THSD7B: variants seen among roughly 807,000 people sequenced by gnomAD.
The protein encoded by THSD7B is thrombospondin type-1 domain-containing protein 7B.
In THSD7B, 138 loss-of-function variants were observed where a neutral mutation model predicts 213.6. The ratio of observed to expected loss-of-function variants is 0.65; its 90% CI spans 0.56 to 0.74. The LOEUF (loss-of-function observed/expected upper bound fraction) is 0.74. Among genes scored for constraint, THSD7B ranks in the 30% least tolerant of loss-of-function variants. The probability of loss-of-function intolerance (pLI) is 0.00; values close to 1 mark genes in which losing one functional copy is unlikely to be tolerated. For synonymous variants in THSD7B, 742 were observed against 687.0 expected (o/e 1.08, Z -1.25); for missense variants, 1,931 against 1,991.5 (o/e 0.97, Z 0.58).
At chr2:137,382,319 T>G (rs1158599485) in intron 12 of THSD7B, among the ~76,000 whole-genome samples, 1 of 152,234 alleles carries the variant, frequency 6.6e-6, no homozygotes. Context: ...ATTGGGATGA[T>G]GCAGCTGAGA....
Position 137,405,737 on chromosome 2 carries a change from T to G in THSD7B, c.2625T>G (p.Thr875=). ...TVPCREDCTF[T]AWSKFTPCST... ...CATGTCGAGAAGACTGCACCTTCAC[T>G]GCTTGGTCCAAGTTTACGCCCTGCT... is the stretch of plus-strand genomic sequence containing the variant. The change falls in exon 13 of 28, where the codon ACT becomes ACG. Residue 875 remains threonine (T), a synonymous_variant. Coordinates refer to ENST00000409968, the MANE Select transcript of THSD7B (RefSeq NM_001316349.2). 6.2e-7 allele frequency: 1 copy of G among 1,613,764 alleles called. No homozygotes were observed. The highest frequency in any genetic ancestry group is 8.5e-7 in the Non-Finnish European group (1 of 1,179,824).
chr2:137,469,522 C>T (rs1276221468), intron 15 of THSD7B, among the ~76,000 whole-genome samples: 1 of 152,030 alleles, frequency 6.6e-6, no homozygotes, highest in African/African-American at 2.4e-5. Flanking sequence ...TTCTGTTGGC[C>T]TTAATCATCA....
intron 9 of THSD7B, among the ~76,000 whole-genome samples, chr2:137,235,961 T>C (rs1440828750): frequency 6.6e-6 from 1 of 152,238 alleles, no homozygotes; most frequent in Non-Finnish European, 1.5e-5. Flanking sequence ...GCATTGACTT[T>C]AGTGAAATTA....
chr2:137,488,015 G>A lies in THSD7B; in HGVS notation c.3138+36992G>A, dbSNP rs1318179025. Among the ~76,000 whole-genome samples the A allele has an allele frequency of 2.4e-4, 3 of 12,414 alleles. 1 individual carries two copies. The highest frequency in any genetic ancestry group is 4.8e-4 in the African/African-American group (3 of 6,260). 8.1% of individuals were successfully genotyped at this position (12,414 alleles called of 152,430 possible). A position where few individuals can be genotyped will look rare whatever the true frequency, so the allele number is the denominator to read the frequency against. ...CCTGACCTCGTGATCCGCCCGCCTC[G>A]GCCTCCCAAAGTGCTGGGATTACAG... On this transcript the variant is annotated intron_variant, in intron 15 of 27. Coordinates refer to ENST00000409968, the MANE Select transcript of THSD7B (RefSeq NM_001316349.2).
In THSD7B at chr2:137,645,038, C is replaced by T. The variant is rs577885919; in HGVS notation, c.3945+2405C>T. Among the ~76,000 whole-genome samples the T allele has an allele frequency of 5.9e-5, 9 of 152,266 alleles. No homozygotes were observed. In the South Asian group the frequency reaches 1.9e-3, roughly 32 times the overall value. Reference sequence around the variant, plus strand: ...GAGGAGCTCAGATTCTGGAGTCTAGCAGCCCTAATTTTGGTCATGGTTCTG... The same window carrying T: ...GAGGAGCTCAGATTCTGGAGTCTAGTAGCCCTAATTTTGGTCATGGTTCTG... On this transcript the variant is annotated intron_variant, in intron 21 of 27. Coordinates refer to ENST00000409968, the MANE Select transcript of THSD7B (RefSeq NM_001316349.2).
intron 12 of THSD7B, among the ~76,000 whole-genome samples, chr2:137,289,947 A>G (rs1683285595): frequency 6.6e-6 from 1 of 151,910 alleles, no homozygotes. Context: ...TTTCTTCTAA[A>G]CTCCAGGCGA....
At chr2:136,920,272 G>T (rs1402794059) in intron 2 of THSD7B, among the ~76,000 whole-genome samples, 2 of 152,198 alleles carry the variant, frequency 1.3e-5, no homozygotes, top group Admixed American at 1.3e-4. Flanking sequence ...ACCCAAAGTG[G>T]CTAGTTTCCT....
At chr2:136,804,403 AACAC>A (rs3030361) in intron 1 of THSD7B, among the ~76,000 whole-genome samples, 3,206 of 147,668 alleles carry the variant, frequency 0.022, 41 homozygotes, top group East Asian at 0.051. Flanking sequence ...ACACACACAT[AACAC>A]ACACACACAC....
At chr2:137,367,834 C>T (rs1394928935) in intron 12 of THSD7B, among the ~76,000 whole-genome samples, 1 of 152,064 alleles carries the variant, frequency 6.6e-6, no homozygotes, top group East Asian at 1.9e-4. Flanking sequence ...AGATCTTCAT[C>T]ATTTTATAAG....
chr2:137,160,514 A>G, intron 6 of THSD7B, 146 bp downstream of exon 6: 1 of 1,085,782 alleles, frequency 9.2e-7, no homozygotes, highest in Non-Finnish European at 1.3e-6. Context: ...ATTCAGTTTT[A>G]GGGAGGCAAC....
chr2:137,674,109 T>C (rs1401986905), intron 27 of THSD7B, among the ~76,000 whole-genome samples: 1 of 152,180 alleles, frequency 6.6e-6, no homozygotes, highest in Admixed American at 6.5e-5. Flanking sequence ...CAGGTGATAG[T>C]ATTGTCTCTT....
At chr2:136,860,283 CTCTA>C (rs1644996965) in intron 1 of THSD7B, among the ~76,000 whole-genome samples, 1 of 152,052 alleles carries the variant, frequency 6.6e-6, no homozygotes, top group South Asian at 2.1e-4. Context: ...TGGTCTTCTT[CTCTA>C]TCCATTCTCA....
intron 12 of THSD7B, among the ~76,000 whole-genome samples, chr2:137,294,911 T>G (rs1294967536): frequency 1.3e-5 from 2 of 152,152 alleles, no homozygotes; most frequent in Non-Finnish European, 1.5e-5. Flanking sequence ...TATCTTTTCT[T>G]GTATTCACAG....
intron 14 of THSD7B, among the ~76,000 whole-genome samples, chr2:137,427,646 A>G (rs1011479440): frequency 8.5e-5 from 13 of 152,294 alleles, no homozygotes; most frequent in Non-Finnish European, 1.5e-4. Flanking sequence ...AGTCAAATTT[A>G]TAGAAACAGA....
At chr2:137,211,680 C>G (rs1006451598) in intron 7 of THSD7B, among the ~76,000 whole-genome samples, 2 of 151,918 alleles carry the variant, frequency 1.3e-5, no homozygotes, top group Non-Finnish European at 2.9e-5. Context: ...GTGCTAATAC[C>G]TTGGTGAACA....
At chr2:137,049,265 C>T (rs1484726269) in intron 2 of THSD7B, among the ~76,000 whole-genome samples, 2 of 152,186 alleles carry the variant, frequency 1.3e-5, no homozygotes, top group South Asian at 2.1e-4. Flanking sequence ...ACCAGCTGCA[C>T]TCAAATCAGA....
intron 12 of THSD7B, among the ~76,000 whole-genome samples, chr2:137,354,158 T>C (rs1416871715): frequency 1.3e-5 from 2 of 152,038 alleles, no homozygotes; most frequent in Non-Finnish European, 2.9e-5. Context: ...TATGTGTTCA[T>C]ATATTTGTCT....
chr2:137,167,946 A>C (rs530370302), intron 6 of THSD7B, among the ~76,000 whole-genome samples: 1 of 152,202 alleles, frequency 6.6e-6, no homozygotes, highest in African/African-American at 2.4e-5. Context: ...GTGAGGAGGC[A>C]ATGACTCTGA....
chr2:137,373,247 G>A (rs1490135557), intron 12 of THSD7B, among the ~76,000 whole-genome samples: 2 of 152,106 alleles, frequency 1.3e-5, no homozygotes, highest in East Asian at 3.9e-4. Context: ...GGTATTTCTA[G>A]TTCTAGATCC....
Sources: gnomAD v4.1 joint callset for allele counts (sites outside exome capture counted in the v4.1 genomes callset) on GRCh38, gnomAD v4.1.1 for gene constraint, MANE v1.5 for transcripts, NCBI Gene and HGNC (gene_info 2026-07-23, HGNC 2026-07-21) for gene names.